The following CBY2 variants were observed in gnomAD, a reference collection of about 807,000 sequenced individuals.
The protein encoded by CBY2 is protein chibby homolog 2.
CBY2 carries 23 observed loss-of-function variants against 25.3 expected under a neutral mutation model. The ratio of observed to expected loss-of-function variants is 0.91; its 90% CI spans 0.65 to 1.29. The LOEUF (loss-of-function observed/expected upper bound fraction) is 1.29, where lower values mean the gene tolerates loss of function less well. CBY2 is among the 50% of genes most tolerant of loss of function. The pLI is 0.00. For synonymous variants in CBY2, 279 were observed against 260.2 expected (o/e 1.07, Z -0.70); for missense variants, 642 against 590.7 (o/e 1.09, Z -0.90).
Position 45,713,257 on chromosome 13 carries a change from C to T in CBY2, c.232C>T (p.Pro78Ser), listed in dbSNP as rs772896583. The T allele has an allele frequency of 6.2e-7, 1 of 1,613,820 alleles. No homozygotes were observed. The highest frequency in any genetic ancestry group is 1.7e-5 in the Admixed American group (1 of 60,022). ...TPRCAQQAAL[P>S]RLSRRMASQH... ...TCGCTGCGCGCAGCAGGCCGCCCTG[C>T]CCCGGCTGAGCCGCAGGATGGCGAG... Residue 78 changes from proline to serine, a missense_variant, in exon 3 of 3, where the codon CCC becomes TCC. Coordinates refer to ENST00000310521, the MANE Select transcript of CBY2 (RefSeq NM_152719.3). This position sits in a 1 kb window ranked among gnomAD's most constrained non-coding sequence, Gnocchi z 5.0.
At chr13:45,712,574 C>T (rs531172095) in intron 2 of CBY2, among the ~76,000 whole-genome samples, 3 of 152,264 alleles carry the variant, frequency 2.0e-5, no homozygotes, top group East Asian at 1.9e-4. Context: ...AGTTGAGTCC[C>T]CAGCCAAGGA....
chr13:45,713,618 T>C lies in CBY2; in HGVS notation c.593T>C (p.Val198Ala), dbSNP rs768153625. Residue 198 changes from valine to alanine, a missense_variant, in exon 3 of 3, where the codon GTC (valine) becomes GCC (alanine). Transcript: ENST00000310521. This position sits in a 1 kb window ranked among gnomAD's most constrained non-coding sequence, Gnocchi z 5.0. ...AGCAAGGAGAACAAGATCCTACAGG[T>C]CTTCTGGGAGGAGCACAAGGCCTCG... ...MLSKENKILQVFWEEHKASLG... is the reference protein window; with the variant it reads ...MLSKENKILQAFWEEHKASLG... 1 of 1,613,120 alleles carries C rather than the reference T, an allele frequency of 6.2e-7. No individual in the cohort carries two copies. Among genetic ancestry groups the C allele is most frequent in the African/African-American group, 1.3e-5 (1 of 74,708 alleles).
At chr13:45,710,524 AAAC>A (rs938378848) in intron 2 of CBY2, among the ~76,000 whole-genome samples, 5 of 151,930 alleles carry the variant, frequency 3.3e-5, no homozygotes, top group East Asian at 1.9e-4. Flanking sequence ...CTCCGTCTCA[AAAC>A]AACAACAACA....
chr13:45,706,107 C>A (rs1179001368), intron 2 of CBY2, among the ~76,000 whole-genome samples: 1 of 152,192 alleles, frequency 6.6e-6, no homozygotes, highest in East Asian at 1.9e-4. Flanking sequence ...AGTCCTGTAG[C>A]ACTAGTAAGA....
At chr13:45,711,466 T>C (rs1950269820) in intron 2 of CBY2, among the ~76,000 whole-genome samples, 1 of 152,200 alleles carries the variant, frequency 6.6e-6, no homozygotes, top group Non-Finnish European at 1.5e-5. Context: ...GAGAGCTGTC[T>C]GGTTTCAAAG....
chr13:45,714,282 GGTCA>G lies in CBY2; in HGVS notation c.1258_1261del (p.Val420ProfsTer83), dbSNP rs1566072732. ...AGCTGGTCATTGACACCGTGACCGA[GGTCA>G]CCGCGCGCATGGAAATGCTCATCGA... On this transcript the variant is annotated frameshift_variant, in exon 3 of 3. Coordinates refer to ENST00000310521, the MANE Select transcript of CBY2 (RefSeq NM_152719.3). LOFTEE classifies it high-confidence loss of function. 6.2e-7 allele frequency: 1 copy of G among 1,613,238 alleles called. No homozygotes were observed. Among genetic ancestry groups the G allele is most frequent in the South Asian group, 1.1e-5 (1 of 90,914 alleles).
rs1950221001 is a variant in CBY2 at position 45,703,154 on chromosome 13, G to T, written c.156+299G>T. On this transcript the variant is annotated intron_variant, in intron 2 of 2. Coordinates refer to ENST00000310521, the MANE Select transcript of CBY2 (RefSeq NM_152719.3). Reference sequence around the variant, plus strand: ...AAGTAACCCAGCCTTCTCAAAACGAGATCTTTTGGTGCTTAGTGTTGTGCA... The same window carrying T: ...AAGTAACCCAGCCTTCTCAAAACGATATCTTTTGGTGCTTAGTGTTGTGCA... The T allele has an allele frequency of 3.2e-6, 4 of 1,254,380 alleles. No individual in the cohort carries two copies. The Admixed American group carries it at 1.1e-4, about 35-fold the overall frequency. The allele number at this position is 1,254,380 out of a possible 1,614,324, so 77.7% of individuals were successfully genotyped here.
intron 2 of CBY2, among the ~76,000 whole-genome samples, chr13:45,711,968 T>A (rs1593356918): frequency 6.6e-6 from 1 of 152,060 alleles, no homozygotes; most frequent in Non-Finnish European, 1.5e-5. Flanking sequence ...GAAGCTGGGG[T>A]GAATGTTTAA....
At chr13:45,711,771 G>A (rs1950271382) in intron 2 of CBY2, among the ~76,000 whole-genome samples, 1 of 152,186 alleles carries the variant, frequency 6.6e-6, no homozygotes, top group African/African-American at 2.4e-5. Flanking sequence ...GTTAAGCTCT[G>A]TGGATCTGAG....
chr13:45,704,066 T>C lies in CBY2; in HGVS notation c.156+1211T>C, dbSNP rs559355313. Reference sequence around the variant, plus strand: ...GTTCTCTGATAGTAACCCTCGGTAATGTTAGCAAAGTTGGTGTTTAAGAAA... The same window carrying C: ...GTTCTCTGATAGTAACCCTCGGTAACGTTAGCAAAGTTGGTGTTTAAGAAA... On this transcript the variant is annotated intron_variant, in intron 2 of 2. Transcript: ENST00000310521. This position sits in a 1 kb window ranked among gnomAD's most constrained non-coding sequence, Gnocchi z 4.1. 3.0e-4 allele frequency among the ~76,000 whole-genome samples: 45 copies of C among 152,264 alleles called. No individual in the cohort carries two copies. In the South Asian group the frequency reaches 8.7e-3, roughly 29 times the overall value.
rs1409097565 is a variant in CBY2 at position 45,713,970 on chromosome 13, G to A, written c.945G>A (p.Pro315=). 6.6e-6 allele frequency: 10 copies of A among 1,517,126 alleles called. No homozygotes were observed. The highest frequency in any genetic ancestry group is 3.5e-4 in the Middle Eastern group (2 of 5,684). 94.0% of individuals were successfully genotyped at this position (1,517,126 alleles called of 1,614,324 possible). The change falls in exon 3 of 3, where the codon CCG becomes CCA. Residue 315 remains proline, a synonymous_variant. Coordinates refer to ENST00000310521, the MANE Select transcript of CBY2 (RefSeq NM_152719.3). The surrounding 1 kb of genome is among the most constrained non-coding windows in gnomAD (Gnocchi z 5.0). ...GCTTCGAGGAGCCCAAAGGGCCTCCGGCCCGGCAGGAGGACTCCAAGGAGC... is the reference window on the plus strand; with the variant it reads ...GCTTCGAGGAGCCCAAAGGGCCTCCAGCCCGGCAGGAGGACTCCAAGGAGC... The part of the protein sequence containing the change: ...SSRFEEPKGP[P]ARQEDSKELR...
chr13:45,710,374 T>A (rs1215423224), intron 2 of CBY2, among the ~76,000 whole-genome samples: 3 of 152,066 alleles, frequency 2.0e-5, no homozygotes, highest in Admixed American at 1.3e-4. Flanking sequence ...ATACAAAAAA[T>A]TAGCCAGGCG....
chr13:45,707,956 A>C (rs909618145), intron 2 of CBY2, among the ~76,000 whole-genome samples: 1 of 152,230 alleles, frequency 6.6e-6, no homozygotes, highest in African/African-American at 2.4e-5. Context: ...CTTTCTCTAA[A>C]GAAATGCTAA....
At chr13:45,708,351 G>A (rs55690786) in intron 2 of CBY2, among the ~76,000 whole-genome samples, 25,366 of 152,198 alleles carry the variant, frequency 0.17, 2,278 homozygotes, top group Middle Eastern at 0.21. Flanking sequence ...AATGCTTCCT[G>A]CATTTTGACT....
intron 2 of CBY2, among the ~76,000 whole-genome samples, chr13:45,703,793 C>T (rs989481944): frequency 4.6e-5 from 7 of 152,142 alleles, no homozygotes; most frequent in African/African-American, 1.7e-4. Context: ...TTACTTTTAG[C>T]CCATGAATCT....
intron 2 of CBY2, chr13:45,703,081 C>A: frequency 7.6e-7 from 1 of 1,315,430 alleles, no homozygotes; most frequent in Non-Finnish European, 9.8e-7. Context: ...GTCAGATGAT[C>A]TGGTAAGAAC....
At chr13:45,711,751 G>A (rs1305608913) in intron 2 of CBY2, among the ~76,000 whole-genome samples, 1 of 152,160 alleles carries the variant, frequency 6.6e-6, no homozygotes, top group Admixed American at 6.5e-5. Flanking sequence ...AAAGCTACCA[G>A]CTCATTGGAG....
chr13:45,709,960 G>A (rs548585930), intron 2 of CBY2, among the ~76,000 whole-genome samples: 1 of 152,276 alleles, frequency 6.6e-6, no homozygotes, highest in Admixed American at 6.5e-5. Flanking sequence ...TAACATCTCT[G>A]AGTTTCAGTT....
At chr13:45,703,749 C>T (rs964775689) in intron 2 of CBY2, among the ~76,000 whole-genome samples, 3 of 152,166 alleles carry the variant, frequency 2.0e-5, no homozygotes, top group African/African-American at 7.2e-5. Context: ...TTCACATTAT[C>T]TTTATAACTT....
Sources: gnomAD v4.1 joint callset for allele counts (sites outside exome capture counted in the v4.1 genomes callset) on GRCh38, gnomAD v4.1.1 for gene constraint, Gnocchi (gnomAD v3.1) non-coding constraint, MANE v1.5 for transcripts, NCBI Gene and HGNC (gene_info 2026-07-23, HGNC 2026-07-21) for gene names.